CNTNAP5: variants seen among roughly 807,000 people sequenced by gnomAD.
The protein encoded by CNTNAP5 is contactin-associated protein-like 5.
In CNTNAP5, 72 loss-of-function variants were observed where a neutral mutation model predicts 150.2. That is an observed-to-expected ratio of 0.48 (90% CI 0.40 to 0.58). The LOEUF (loss-of-function observed/expected upper bound fraction) is 0.58. CNTNAP5 is among the 20% of genes least tolerant of loss of function. CNTNAP5 has a pLI of 0.00. For synonymous variants in CNTNAP5, 672 were observed against 619.8 expected, an observed-to-expected ratio of 1.08 and a Z score of -1.25; for missense variants, 1,636 against 1,626.2, an observed-to-expected ratio of 1.01 and a Z score of -0.10.
At chr2:124,806,423 T>C (rs1050905219) in intron 19 of CNTNAP5, among the ~76,000 whole-genome samples, 18 of 152,168 alleles carry the variant, frequency 1.2e-4, no homozygotes, top group African/African-American at 4.3e-4. Context: ...TTAATCATAT[T>C]CTTTTTGAGA....
At chr2:124,842,524 G>A (rs533919456) in intron 19 of CNTNAP5, among the ~76,000 whole-genome samples, 1 of 152,336 alleles carries the variant, frequency 6.6e-6, no homozygotes, top group South Asian at 2.1e-4. Context: ...CCATGGAAGA[G>A]TAGCAGTTGG....
At chr2:124,139,812 C>T (rs376435299) in intron 1 of CNTNAP5, among the ~76,000 whole-genome samples, 145 of 152,252 alleles carry the variant, frequency 9.5e-4, no homozygotes, top group African/African-American at 3.3e-3. Flanking sequence ...GGAACAGCTC[C>T]GGTCTACAGC....
At chr2:124,567,210 C>G (rs1041388388) in intron 11 of CNTNAP5, among the ~76,000 whole-genome samples, 2 of 151,980 alleles carry the variant, frequency 1.3e-5, no homozygotes, top group Admixed American at 1.3e-4. Context: ...CTGGGTGAGG[C>G]GGGCACAATG....
intron 14 of CNTNAP5, among the ~76,000 whole-genome samples, chr2:124,759,351 T>C (rs1475724392): frequency 7.3e-6 from 1 of 136,072 alleles, no homozygotes; most frequent in Admixed American, 7.3e-5. Context: ...ATATACATTA[T>C]ATATATATTC....
intron 13 of CNTNAP5, among the ~76,000 whole-genome samples, chr2:124,722,394 C>T (rs1680067287): frequency 6.6e-6 from 1 of 152,058 alleles, no homozygotes; most frequent in African/African-American, 2.4e-5. Flanking sequence ...TATCTGCTTC[C>T]AAAATATAAT....
chr2:124,574,287 C>T (rs548631252), intron 11 of CNTNAP5, among the ~76,000 whole-genome samples: 2 of 152,238 alleles, frequency 1.3e-5, no homozygotes, highest in South Asian at 2.1e-4. Context: ...CATGATTCCT[C>T]ATGAATACTG....
chr2:124,598,877 G>T (rs556280403), intron 11 of CNTNAP5, among the ~76,000 whole-genome samples: 44 of 152,232 alleles, frequency 2.9e-4, no homozygotes, highest in Admixed American at 1.0e-3. Flanking sequence ...TCTGAAAAGC[G>T]CAATATTCGG....
At chr2:124,161,584 A>G (rs998730918) in intron 1 of CNTNAP5, among the ~76,000 whole-genome samples, 4 of 152,182 alleles carry the variant, frequency 2.6e-5, no homozygotes, top group Non-Finnish European at 5.9e-5. Flanking sequence ...GTGTTTGTCA[A>G]TACACTGATA....
chr2:124,474,650 G>A, intron 6 of CNTNAP5, 89 bp from the exon 7 acceptor site: 1 of 1,133,638 alleles, frequency 8.8e-7, no homozygotes, highest in Non-Finnish European at 1.2e-6. Flanking sequence ...GCATACAATT[G>A]AATCTACCAA....
chr2:124,379,594 G>A (rs546931310), intron 3 of CNTNAP5, among the ~76,000 whole-genome samples: 3 of 152,212 alleles, frequency 2.0e-5, no homozygotes, highest in East Asian at 1.9e-4. Context: ...TGGTCAACTA[G>A]GAATAAAGCT....
At chr2:124,073,528 G>A (rs1451293778) in intron 1 of CNTNAP5, among the ~76,000 whole-genome samples, 1 of 151,800 alleles carries the variant, frequency 6.6e-6, no homozygotes, top group African/African-American at 2.4e-5. Flanking sequence ...GATTGACTGA[G>A]ATCTGAATAG....
intron 1 of CNTNAP5, among the ~76,000 whole-genome samples, chr2:124,176,896 G>C (rs1685080501): frequency 7.1e-6 from 1 of 141,140 alleles, no homozygotes; most frequent in Non-Finnish European, 1.5e-5. Flanking sequence ...CCAGGGCGGA[G>C]TGCAATGGCA....
intron 1 of CNTNAP5, among the ~76,000 whole-genome samples, chr2:124,047,690 A>T (rs1681574767): frequency 6.6e-6 from 1 of 152,192 alleles, no homozygotes; most frequent in African/African-American, 2.4e-5. Context: ...GGTGCATGAA[A>T]AAGTGCAGTC....
intron 19 of CNTNAP5, among the ~76,000 whole-genome samples, chr2:124,835,859 A>G (rs1682818505): frequency 6.6e-6 from 1 of 152,182 alleles, no homozygotes; most frequent in African/African-American, 2.4e-5. Context: ...TACTAAAAAC[A>G]ATACAAAAAG....
intron 1 of CNTNAP5, among the ~76,000 whole-genome samples, chr2:124,031,077 G>C (rs529595341): frequency 8.8e-6 from 1 of 114,042 alleles, no homozygotes; most frequent in Non-Finnish European, 1.8e-5. Context: ...TTCATAGACT[G>C]CCTGCTTGGT....
At chr2:124,748,209 A>T (rs1474449274) in intron 14 of CNTNAP5, among the ~76,000 whole-genome samples, 2 of 152,124 alleles carry the variant, frequency 1.3e-5, no homozygotes, top group Non-Finnish European at 2.9e-5. Flanking sequence ...TAATTATCTT[A>T]CTTTTGCTTC....
intron 8 of CNTNAP5, among the ~76,000 whole-genome samples, chr2:124,516,523 T>A (rs1473075824): frequency 6.6e-6 from 1 of 152,196 alleles, no homozygotes; most frequent in Non-Finnish European, 1.5e-5. Context: ...AATTTTTAAG[T>A]GTCACGCACT....
chr2:124,235,001 A>T (rs1327039998), intron 2 of CNTNAP5, among the ~76,000 whole-genome samples: 1 of 152,126 alleles, frequency 6.6e-6, no homozygotes, highest in African/African-American at 2.4e-5. Flanking sequence ...TTTTTGTGGA[A>T]GTAATTATTG....
At chr2:124,884,885 C>T (rs755560388) in intron 21 of CNTNAP5, among the ~76,000 whole-genome samples, 9 of 151,816 alleles carry the variant, frequency 5.9e-5, no homozygotes, top group African/African-American at 9.7e-5. Context: ...GGTACTTTTT[C>T]GAACTATTTT....
Sources: allele counts gnomAD v4.1 joint callset (sites outside exome capture counted in the v4.1 genomes callset), GRCh38; gene constraint gnomAD v4.1.1; transcripts MANE v1.5; gene names NCBI Gene and HGNC (gene_info 2026-07-23, HGNC 2026-07-21).